Variants in PTPRK observed in about 807,000 individuals in gnomAD.
PTPRK encodes receptor-type tyrosine-protein phosphatase kappa.
PTPRK carries 75 observed loss-of-function variants against 178.0 expected under a neutral mutation model. That is an observed-to-expected ratio of 0.42 (90% CI 0.35 to 0.51). The LOEUF (loss-of-function observed/expected upper bound fraction) is 0.51. Ranked by LOEUF, PTPRK falls within the 20% of genes least tolerant of loss-of-function variation. The pLI is 0.02. For missense variants in PTPRK, 1,441 were observed against 1,797.8 expected (o/e 0.80, Z 3.59); for synonymous variants, 637 against 620.6 (o/e 1.03, Z -0.39).
rs902817826 is a variant in PTPRK at position 128,218,775 on chromosome 6, T to C, written c.868+147A>G. 1.0e-5 allele frequency: 8 copies of C among 774,524 alleles called. No homozygotes were observed. In the Admixed American group the frequency reaches 2.2e-4, roughly 21 times the overall value. The allele number at this position is 774,524 out of a possible 1,614,324, so 48.0% of individuals were successfully genotyped here. A position where few individuals can be genotyped will look rare whatever the true frequency, so the allele number is the denominator to read the frequency against. ...ACAGTCTTAATTTCACCTTCACACA[T>C]TCTGAGAAATTGTATGATGATATAT... On this transcript the variant is annotated intron_variant, in intron 6 of 29. Transcript: ENST00000368226.
At chr6:128,130,034 A>G (rs1793975419) in intron 7 of PTPRK, among the ~76,000 whole-genome samples, 1 of 152,150 alleles carries the variant, frequency 6.6e-6, no homozygotes, top group Non-Finnish European at 1.5e-5. Context: ...TTGCTTGGCA[A>G]AAAGATAGAA....
chr6:128,381,209 A>C (rs1837866492), intron 2 of PTPRK, among the ~76,000 whole-genome samples: 1 of 152,208 alleles, frequency 6.6e-6, no homozygotes. Flanking sequence ...TTTTAATTAG[A>C]ATGACCACAA....
At chr6:128,355,303 T>G (rs568525590) in intron 2 of PTPRK, among the ~76,000 whole-genome samples, 1 of 152,330 alleles carries the variant, frequency 6.6e-6, no homozygotes, top group Admixed American at 6.5e-5. Context: ...TACCAAAAAA[T>G]AAATTTCTAT....
chr6:128,435,093 G>T (rs1845385063), intron 1 of PTPRK, among the ~76,000 whole-genome samples: 1 of 100,006 alleles, frequency 1.0e-5, no homozygotes, highest in African/African-American at 4.9e-5. Flanking sequence ...AGGAAGGAAG[G>T]AAGGAAGGAA....
intron 2 of PTPRK, among the ~76,000 whole-genome samples, chr6:128,363,321 G>T (rs796473488): frequency 4.6e-5 from 7 of 152,188 alleles, no homozygotes; most frequent in African/African-American, 1.7e-4. Context: ...GTCCCAAATG[G>T]TGCAACCACA....
chr6:128,153,782 T>C (rs1797604322), intron 7 of PTPRK, among the ~76,000 whole-genome samples: 1 of 151,994 alleles, frequency 6.6e-6, no homozygotes, highest in African/African-American at 2.4e-5. Flanking sequence ...AAGATTTTGT[T>C]AATCATTTCA....
intron 13 of PTPRK, among the ~76,000 whole-genome samples, chr6:128,028,336 C>T (rs992673490): frequency 6.6e-6 from 1 of 152,178 alleles, no homozygotes; most frequent in Non-Finnish European, 1.5e-5. Context: ...TTTAAGGTTA[C>T]CACACTGTTT....
intron 2 of PTPRK, among the ~76,000 whole-genome samples, chr6:128,330,377 C>T (rs1830108792): frequency 6.6e-6 from 1 of 151,992 alleles, no homozygotes; most frequent in South Asian, 2.1e-4. Flanking sequence ...TCTTCTCCTA[C>T]CACTATTTTT....
chr6:128,409,123 A>G (rs1028241187), intron 1 of PTPRK, among the ~76,000 whole-genome samples: 1 of 152,234 alleles, frequency 6.6e-6, no homozygotes, highest in African/African-American at 2.4e-5. Context: ...AATTTAGTGG[A>G]TTAAGAAAAT....
chr6:128,253,636 A>G (rs1160595852), intron 3 of PTPRK, among the ~76,000 whole-genome samples: 3 of 152,192 alleles, frequency 2.0e-5, no homozygotes, highest in Non-Finnish European at 4.4e-5. Flanking sequence ...CAACAGTCCA[A>G]TCTTACACAT....
chr6:128,392,777 G>T (rs1357603649), intron 2 of PTPRK, among the ~76,000 whole-genome samples: 2 of 151,726 alleles, frequency 1.3e-5, no homozygotes, highest in African/African-American at 4.8e-5. Flanking sequence ...TATGAAAAGA[G>T]AACACTTTTT....
chr6:128,000,197 C>T, intron 15 of PTPRK: 1 of 1,063,328 alleles, frequency 9.4e-7, no homozygotes, highest in Non-Finnish European at 1.2e-6. Flanking sequence ...ATAATGCATA[C>T]TGTAGAGAAT....
intron 6 of PTPRK, among the ~76,000 whole-genome samples, chr6:128,187,464 G>A (rs375533708): frequency 7.9e-5 from 12 of 152,054 alleles, no homozygotes; most frequent in East Asian, 1.9e-4. Flanking sequence ...TTATTCATTC[G>A]TGCACTAGGC....
Position 128,245,802 on chromosome 6 carries a change from T to C in PTPRK, c.496-3200A>G, listed in dbSNP as rs1465431494. On this transcript the variant is annotated intron_variant, in intron 3 of 29. Transcript: ENST00000368226. ...GGGCTTAGCAAGAAATAGAAAATAG[T>C]ATTAAAAACTTTAAATAATGTATAA... Among the ~76,000 whole-genome samples the C allele has an allele frequency of 2.6e-5, 4 of 152,180 alleles. No homozygotes were observed. In the East Asian group the frequency reaches 5.8e-4, roughly 22 times the overall value.
At chr6:128,145,732 G>C (rs1796397886) in intron 7 of PTPRK, among the ~76,000 whole-genome samples, 1 of 152,076 alleles carries the variant, frequency 6.6e-6, no homozygotes, top group African/African-American at 2.4e-5. Context: ...TTTATGCCTT[G>C]AATATTTTCT....
intron 10 of PTPRK, among the ~76,000 whole-genome samples, chr6:128,079,272 T>C (rs144500974): frequency 9.9e-5 from 15 of 152,084 alleles, no homozygotes; most frequent in African/African-American, 3.4e-4. Context: ...GTAGTGCTTA[T>C]GGAGTCACAT....
chr6:128,076,091 G>A (rs935763522), intron 11 of PTPRK, among the ~76,000 whole-genome samples: 1 of 151,804 alleles, frequency 6.6e-6, no homozygotes, highest in African/African-American at 2.4e-5. Flanking sequence ...TTGACAGACT[G>A]ACATAAACAA....
At chr6:128,428,032 G>A (rs900456396) in intron 1 of PTPRK, among the ~76,000 whole-genome samples, 1 of 152,154 alleles carries the variant, frequency 6.6e-6, no homozygotes, top group Non-Finnish European at 1.5e-5. Context: ...GGCGGAGATT[G>A]CAGTGAGCCG....
chr6:128,246,431 TC>T (rs1815468123), intron 3 of PTPRK, among the ~76,000 whole-genome samples: 4 of 152,046 alleles, frequency 2.6e-5, no homozygotes, highest in Admixed American at 2.6e-4. Context: ...AATAATTGGT[TC>T]TTTATTTAAA....
Sources: gnomAD v4.1 joint callset for allele counts (sites outside exome capture counted in the v4.1 genomes callset) on GRCh38, gnomAD v4.1.1 for gene constraint, MANE v1.5 for transcripts, NCBI Gene and HGNC (gene_info 2026-07-23, HGNC 2026-07-21) for gene names.